ZNF784: variants seen among roughly 807,000 people sequenced by gnomAD.
ZNF784 encodes zinc finger protein 784.
A neutral mutation model predicts 3.3 loss-of-function variants in ZNF784; 5 were observed. The observed-to-expected ratio is 1.53, with a 90% CI of 0.80 to 3.22. ZNF784 has a LOEUF of 3.22. ZNF784 is among the 30% of genes most tolerant of loss of function. The pLI is 0.00. For missense variants in ZNF784, 501 were observed against 480.7 expected (o/e 1.04, Z -0.39); for synonymous variants, 231 against 219.6 (o/e 1.05, Z -0.46).
At chr19:55,623,905 T>A (rs1981650612) in intron 1 of ZNF784, among the ~76,000 whole-genome samples, 2 of 152,196 alleles carry the variant, frequency 1.3e-5, no homozygotes, top group South Asian at 2.1e-4. Flanking sequence ...GTTTGTTGAA[T>A]GAATGAATGT....
Position 55,622,544 on chromosome 19 carries a change from G to A in ZNF784, c.179C>T (p.Pro60Leu), listed in dbSNP as rs1981608781. 6.2e-7 allele frequency: 1 copy of A among 1,611,072 alleles called. No homozygotes were observed. The highest frequency in any genetic ancestry group is 2.2e-5 in the East Asian group (1 of 44,706). The change falls in exon 2 of 2, where the codon CCG becomes CTG. Residue 60 changes from proline to leucine, a missense_variant. Pro to Leu is a moderately conservative substitution (Grantham distance 98, BLOSUM62 -3). Coordinates refer to ENST00000325351, the MANE Select transcript of ZNF784 (RefSeq NM_203374.2). The surrounding 1 kb of genome is among the most constrained non-coding windows in gnomAD (Gnocchi z 5.9). ...VTDTTLVPEP[P>L]EPGSFHCALC... ...GGCACAGTGGAAAGAACCTGGCTCCGGGGGCTCAGGGACCAGCGTGGTGTC... is the reference window on the plus strand; with the variant it reads ...GGCACAGTGGAAAGAACCTGGCTCCAGGGGCTCAGGGACCAGCGTGGTGTC...
Position 55,624,430 on chromosome 19 carries a change from C to G in ZNF784, c.78+54G>C. 11 of 1,503,386 alleles carry G rather than the reference C, an allele frequency of 7.3e-6. 1 individual carries two copies. Among genetic ancestry groups the G allele is most frequent in the South Asian group, 4.8e-5 (4 of 83,112 alleles). 93.1% of individuals were successfully genotyped at this position (1,503,386 alleles called of 1,614,324 possible). ...CCACGCCCCGGACCCGCCCCCCACA[C>G]TACGACCTCCTCCCACCTCGAGCCC... is the stretch of plus-strand genomic sequence containing the variant. On this transcript the variant is annotated intron_variant, in intron 1 of 1. Coordinates refer to ENST00000325351, the MANE Select transcript of ZNF784 (RefSeq NM_203374.2).
Position 55,622,449 on chromosome 19 carries a change from C to T in ZNF784, c.274G>A (p.Glu92Lys), listed in dbSNP as rs755507259. 9 of 1,606,848 alleles carry T rather than the reference C, an allele frequency of 5.6e-6. No individual in the cohort carries two copies. The highest frequency in any genetic ancestry group is 1.3e-5 in the African/African-American group (1 of 74,822). The change falls in exon 2 of 2, where the codon GAG (glutamate) becomes AAG (lysine). Residue 92 changes from glutamate to lysine, a missense_variant. Glu to Lys is a moderately conservative substitution (Grantham distance 56). Transcript: ENST00000325351. This position sits in a 1 kb window ranked among gnomAD's most constrained non-coding sequence, Gnocchi z 5.9. ...FHEHGHLAGA[E>K]GGGQGGDPSR... is the part of the protein sequence containing the mutation. ...GGGTCCCCACCCTGCCCGCCTCCCT[C>T]GGCCCCAGCCAAGTGGCCATGTTCG... is the stretch of plus-strand genomic sequence containing the variant.
Position 55,621,895 on chromosome 19 carries a change from G to C in ZNF784, c.828C>G (p.His276Gln). 6.3e-7 allele frequency: 1 copy of C among 1,587,962 alleles called. No individual in the cohort carries two copies. Among genetic ancestry groups the C allele is most frequent in the East Asian group, 2.3e-5 (1 of 44,114 alleles). ...NFRKHQRTHF[H>Q]GPGPGLGDSG... Reference sequence around the variant, plus strand: ...AGTCTCCCAGCCCCGGCCCCGGCCCGTGGAAGTGGGTGCGCTGGTGCTTGC... The same window carrying C: ...AGTCTCCCAGCCCCGGCCCCGGCCCCTGGAAGTGGGTGCGCTGGTGCTTGC... The change falls in exon 2 of 2, where the codon CAC becomes CAG. Residue 276 changes from histidine to glutamine, a missense_variant. His to Gln is a conservative substitution (Grantham distance 24). Transcript: ENST00000325351. The surrounding 1 kb of genome is among the most constrained non-coding windows in gnomAD (Gnocchi z 4.1).
Position 55,624,520 on chromosome 19 carries a change from C to T in ZNF784, c.42G>A (p.Pro14=). 1 of 1,604,124 alleles carries T rather than the reference C, an allele frequency of 6.2e-7. No homozygotes were observed. Among genetic ancestry groups the T allele is most frequent in the Non-Finnish European group, 8.5e-7 (1 of 1,176,526 alleles). The part of the protein sequence containing the change: ...ARPEAQSRSS[P]TPESRSQEPL... ...GCTCCTGGGATCGCGACTCCGGAGT[C>T]GGTGAGCTCCGACTCTGGGCCTCTG... is the stretch of plus-strand genomic sequence containing the variant. The change falls in exon 1 of 2, where the codon CCG becomes CCA. Residue 14 remains proline, a synonymous_variant. Coordinates refer to ENST00000325351, the MANE Select transcript of ZNF784 (RefSeq NM_203374.2).
rs985229645 is a variant in ZNF784, at chr19:55,621,680, C to T, written c.*71G>A. ...CTCTTCTGTCCCCTGCCTCCGTTTC[C>T]CCACCCCGTCCCCCTCCCCGGGTCG... On this transcript the variant is annotated 3_prime_UTR_variant, in exon 2 of 2. Transcript: ENST00000325351. This position sits in a 1 kb window ranked among gnomAD's most constrained non-coding sequence, Gnocchi z 4.1. 1.3e-6 allele frequency: 2 copies of T among 1,547,214 alleles called. No individual in the cohort carries two copies. The highest frequency in any genetic ancestry group is 8.7e-7 in the Non-Finnish European group (1 of 1,148,650).
chr19:55,624,209 C>G (rs1159661988), intron 1 of ZNF784, among the ~76,000 whole-genome samples: 3 of 151,960 alleles, frequency 2.0e-5, no homozygotes, highest in African/African-American at 7.3e-5. Flanking sequence ...TTCCCTGGAC[C>G]CAAACCCGTC....
chr19:55,622,672 C>A lies in ZNF784; in HGVS notation c.79-28G>T. 1 of 1,495,022 alleles carries A rather than the reference C, an allele frequency of 6.7e-7. No individual in the cohort carries two copies. Among genetic ancestry groups the A allele is most frequent in the Non-Finnish European group, 8.9e-7 (1 of 1,122,616 alleles). The allele number at this position is 1,495,022 out of a possible 1,614,324, so 92.6% of individuals were successfully genotyped here. Reference sequence around the variant, plus strand: ...GGGCAAGAGGAGAAGAAAGAGGAGCCTGTGGAACCTGCCTCAGGACCGCCC... The same window carrying A: ...GGGCAAGAGGAGAAGAAAGAGGAGCATGTGGAACCTGCCTCAGGACCGCCC... On this transcript the variant is annotated intron_variant, in intron 1 of 1. Transcript: ENST00000325351. The surrounding 1 kb of genome is among the most constrained non-coding windows in gnomAD (Gnocchi z 5.9).
rs779903844 is a variant in ZNF784, at chr19:55,621,982, A to C, written c.741T>G (p.Thr247=). Residue 247 remains threonine, a synonymous_variant, in exon 2 of 2, where the codon ACT becomes ACG. Transcript: ENST00000325351. This position sits in a 1 kb window ranked among gnomAD's most constrained non-coding sequence, Gnocchi z 4.1. ...SVLSGHARIH[T]GERPFRCTLC... ...GCGTGCAGCGGAACGGGCGCTCGCC[A>C]GTGTGGATGCGGGCGTGGCCGCTAA... is the stretch of plus-strand genomic sequence containing the variant. 6.3e-7 allele frequency: 1 copy of C among 1,594,756 alleles called. No homozygotes were observed. Among genetic ancestry groups the C allele is most frequent in the Non-Finnish European group, 8.5e-7 (1 of 1,177,946 alleles).
intron 1 of ZNF784, among the ~76,000 whole-genome samples, chr19:55,623,314 G>A (rs892820329): frequency 1.1e-4 from 16 of 152,320 alleles, no homozygotes; most frequent in African/African-American, 3.4e-4. Context: ...GATTGCAGGC[G>A]TGAGCCGCCG....
Position 55,621,692 on chromosome 19 carries a change from C to T in ZNF784, c.*59G>A. 6.4e-7 allele frequency: 1 copy of T among 1,569,618 alleles called. No individual in the cohort carries two copies. The highest frequency in any genetic ancestry group is 8.6e-7 in the Non-Finnish European group (1 of 1,162,914). ...CTGCCTCCGTTTCCCCACCCCGTCC[C>T]CCTCCCCGGGTCGGCCTCGTACCTC... On this transcript the variant is annotated 3_prime_UTR_variant, in exon 2 of 2. Transcript: ENST00000325351. The surrounding 1 kb of genome is among the most constrained non-coding windows in gnomAD (Gnocchi z 4.1).
rs912836426 is a variant in ZNF784, at chr19:55,622,896, G to T, written c.79-252C>A. 5.9e-5 allele frequency among the ~76,000 whole-genome samples: 9 copies of T among 152,100 alleles called. No individual in the cohort carries two copies. The highest frequency in any genetic ancestry group is 1.3e-4 in the Non-Finnish European group (9 of 68,034). On this transcript the variant is annotated intron_variant, in intron 1 of 1. Coordinates refer to ENST00000325351, the MANE Select transcript of ZNF784 (RefSeq NM_203374.2). This position sits in a 1 kb window ranked among gnomAD's most constrained non-coding sequence, Gnocchi z 5.9. ...GCTAGTTAAAAAAAAATTATTTCTG[G>T]CTGGGCACGGTGGCTCAGGCCTGTA...
At position 55,621,933 on chromosome 19, in the gene ZNF784, A is replaced by T. The variant is rs142467111; in HGVS notation, c.790T>A (p.Ser264Thr). 1,556 of 1,595,758 alleles carry T rather than the reference A, an allele frequency of 9.8e-4. 4 individuals are homozygous for T. The highest frequency in any genetic ancestry group is 2.2e-3 in the Middle Eastern group (10 of 4,566). ...CTLCDRTFNN[S>T]SNFRKHQRTH... ...CGCTGGTGCTTGCGGAAGTTGGAGG[A>T]GTTGTTGAAGGTGCGGTCGCAGAGC... The change falls in exon 2 of 2, where the codon TCC becomes ACC. Residue 264 changes from serine (S) to threonine (T), a missense_variant. Physicochemically the swap from Ser to Thr is moderately conservative, Grantham distance 58. Coordinates refer to ENST00000325351, the MANE Select transcript of ZNF784 (RefSeq NM_203374.2). The surrounding 1 kb of genome is among the most constrained non-coding windows in gnomAD (Gnocchi z 4.1).
rs1981557221 is a variant in ZNF784 at position 55,621,709 on chromosome 19, TC to T, written c.*41del. Reference sequence around the variant, plus strand: ...CCCCGTCCCCCTCCCCGGGTCGGCCTCGTACCTCCGCCTTAACTAACCCATG... The same window carrying T: ...CCCCGTCCCCCTCCCCGGGTCGGCCTGTACCTCCGCCTTAACTAACCCATG... On this transcript the variant is annotated 3_prime_UTR_variant, in exon 2 of 2. Transcript: ENST00000325351. The surrounding 1 kb of genome is among the most constrained non-coding windows in gnomAD (Gnocchi z 4.1). 7.0e-7 allele frequency: 1 copy of T among 1,437,182 alleles called. No individual in the cohort carries two copies. The highest frequency in any genetic ancestry group is 9.3e-7 in the Non-Finnish European group (1 of 1,073,932). The allele number at this position is 1,437,182 out of a possible 1,614,324, so 89.0% of individuals were successfully genotyped here. A position where few individuals can be genotyped will look rare whatever the true frequency, so the allele number is the denominator to read the frequency against.
chr19:55,622,123 G>A lies in ZNF784; in HGVS notation c.600C>T (p.Phe200=), dbSNP rs1911780361. 6.5e-7 allele frequency: 1 copy of A among 1,548,908 alleles called. No homozygotes were observed. The highest frequency in any genetic ancestry group is 8.7e-7 in the Non-Finnish European group (1 of 1,154,098). ...AAVGKPFACR[F]CAKPFRRSSD... ...AGGAGCGGCGGAAGGGCTTGGCGCA[G>A]AACCTGCAGGCAAAAGGCTTCCCCA... The change falls in exon 2 of 2, where the codon TTC becomes TTT. Residue 200 remains phenylalanine (F), a synonymous_variant. Transcript: ENST00000325351. This position sits in a 1 kb window ranked among gnomAD's most constrained non-coding sequence, Gnocchi z 5.9.
chr19:55,622,005 T>C lies in ZNF784; in HGVS notation c.718A>G (p.Ser240Gly), dbSNP rs1981576595. Residue 240 changes from serine (S) to glycine (G), a missense_variant, in exon 2 of 2, where the codon AGC becomes GGC. Ser to Gly is a moderately conservative substitution (Grantham distance 56, BLOSUM62 0). Transcript: ENST00000325351. This position sits in a 1 kb window ranked among gnomAD's most constrained non-coding sequence, Gnocchi z 5.9. ...CCAGTGTGGATGCGGGCGTGGCCGC[T>C]AAGCACCGAGGACTGGGTGAAGCCC... Reference protein sequence around the residue: ...GKGFTQSSVLSGHARIHTGER... With the variant: ...GKGFTQSSVLGGHARIHTGER... 1.3e-6 allele frequency: 2 copies of C among 1,593,872 alleles called. No individual in the cohort carries two copies. The highest frequency in any genetic ancestry group is 4.5e-5 in the East Asian group (2 of 44,574).
At position 55,622,314 on chromosome 19, in the gene ZNF784, C is replaced by T. The variant is rs1188382294; in HGVS notation, c.409G>A (p.Ala137Thr). 6 of 1,513,966 alleles carry T rather than the reference C, an allele frequency of 4.0e-6. No individual in the cohort carries two copies. The East Asian group carries it at 1.2e-4, about 31-fold the overall frequency. The allele number at this position is 1,513,966 out of a possible 1,614,324, so 93.8% of individuals were successfully genotyped here. A position where few individuals can be genotyped will look rare whatever the true frequency, so the allele number is the denominator to read the frequency against. The change falls in exon 2 of 2, where the codon GCC becomes ACC. Residue 137 changes from alanine to threonine, a missense_variant. Transcript: ENST00000325351. The surrounding 1 kb of genome is among the most constrained non-coding windows in gnomAD (Gnocchi z 5.9). ...RPYRCALCPRAFKALAPLLRH... is the reference protein window; with the variant it reads ...RPYRCALCPRTFKALAPLLRH... ...AGCAGGGGCGCCAAGGCCTTGAAGG[C>T]GCGGGGGCAGAGCGCGCAGCGGTAG... is the stretch of plus-strand genomic sequence containing the variant.
At chr19:55,624,450 G>A in intron 1 of ZNF784, 34 bp downstream of exon 1, 2 of 1,477,196 alleles carry the variant, frequency 1.4e-6, no homozygotes, top group Non-Finnish European at 1.8e-6. Flanking sequence ...CTCCCACCTC[G>A]AGCCCCACGC....
chr19:55,622,757 CTG>C lies in ZNF784; in HGVS notation c.79-115_79-114del. The C allele has an allele frequency of 9.8e-7, 1 of 1,021,470 alleles. No individual in the cohort carries two copies. Among genetic ancestry groups the C allele is most frequent in the Non-Finnish European group, 1.3e-6 (1 of 746,000 alleles). The allele number at this position is 1,021,470 out of a possible 1,614,324, so 63.3% of individuals were successfully genotyped here. On this transcript the variant is annotated intron_variant, in intron 1 of 1. Transcript: ENST00000325351. The surrounding 1 kb of genome is among the most constrained non-coding windows in gnomAD (Gnocchi z 5.9). ...TGTTATTTTCAGACAGGGCCTCACTCTGTTGCCCTGGCGCGATCGTGGCTCAT... is the reference window on the plus strand; with the variant it reads ...TGTTATTTTCAGACAGGGCCTCACTCTTGCCCTGGCGCGATCGTGGCTCAT...
Sources: allele counts gnomAD v4.1 joint callset (sites outside exome capture counted in the v4.1 genomes callset), GRCh38; gene constraint gnomAD v4.1.1; non-coding constraint Gnocchi (gnomAD v3.1); transcripts MANE v1.5; gene names NCBI Gene and HGNC (gene_info 2026-07-23, HGNC 2026-07-21).